Variants in HDAC1 observed in about 807,000 individuals in gnomAD.
HDAC1 encodes protein deacetylase HDAC1.
HDAC1 carries 18 observed loss-of-function variants against 65.5 expected under a neutral mutation model. The observed-to-expected ratio is 0.27, with a 90% CI of 0.19 to 0.41. HDAC1 has a LOEUF of 0.41. Among genes scored for constraint, HDAC1 ranks in the 10% least tolerant of loss-of-function variants. The probability of loss-of-function intolerance (pLI) is 1.00; values close to 1 mark genes in which losing one functional copy is unlikely to be tolerated. For missense variants in HDAC1, 373 were observed against 625.2 expected (o/e 0.60, Z 4.30); for synonymous variants, 211 against 227.9 (o/e 0.93, Z 0.67).
intron 1 of HDAC1, among the ~76,000 whole-genome samples, chr1:32,293,861 C>T (rs1043724236): frequency 1.0e-4 from 15 of 150,284 alleles, no homozygotes; most frequent in East Asian, 4.0e-4. Flanking sequence ...AAGATTGCAC[C>T]GCTGCACTCC....
chr1:32,307,231 G>A (rs928000113), intron 2 of HDAC1, among the ~76,000 whole-genome samples: 2 of 152,044 alleles, frequency 1.3e-5, no homozygotes, highest in African/African-American at 2.4e-5. Flanking sequence ...GGCAACAAGA[G>A]TGAAACTCCT....
intron 11 of HDAC1, 31 bp from the exon 12 acceptor site, chr1:32,332,059 C>T: frequency 6.5e-7 from 1 of 1,547,558 alleles, no homozygotes; most frequent in Non-Finnish European, 8.7e-7. Flanking sequence ...ACCCGCCTGC[C>T]CTCTCACCCA....
At position 32,331,863 on chromosome 1, in the gene HDAC1, A is replaced by G; in HGVS notation, c.1219+57A>G. 2 of 1,544,672 alleles carry G rather than the reference A, an allele frequency of 1.3e-6. No homozygotes were observed. The highest frequency in any genetic ancestry group is 2.0e-5 in the Admixed American group (1 of 50,146). On this transcript the variant is annotated intron_variant, in intron 11 of 13. Transcript: ENST00000373548. The surrounding 1 kb of genome is among the most constrained non-coding windows in gnomAD (Gnocchi z 4.2). ...CATTCAATAGGCAGCTCACACTTCC[A>G]CCACCATTCCTGGCTGCACACTCCC... is the stretch of plus-strand genomic sequence containing the variant.
intron 2 of HDAC1, among the ~76,000 whole-genome samples, chr1:32,305,368 T>C (rs997609010): frequency 6.6e-6 from 1 of 152,204 alleles, no homozygotes; most frequent in African/African-American, 2.4e-5. Context: ...AGGATTAGAA[T>C]TGGGTCAGGA....
chr1:32,322,426 G>A (rs1641160529), intron 3 of HDAC1, among the ~76,000 whole-genome samples: 1 of 152,010 alleles, frequency 6.6e-6, no homozygotes. Flanking sequence ...ACAGGCACAT[G>A]CCTGGCTAAT....
At chr1:32,322,274 C>CTT (rs796152563) in intron 3 of HDAC1, among the ~76,000 whole-genome samples, 6 of 144,348 alleles carry the variant, frequency 4.2e-5, no homozygotes, top group Admixed American at 7.0e-5. Context: ...TCAGCAGTTA[C>CTT]TTTTTTTTTT....
rs1212731497 is a variant in HDAC1, at chr1:32,306,023, G to A, written c.162+3290G>A. 3.3e-5 allele frequency among the ~76,000 whole-genome samples: 5 copies of A among 152,026 alleles called. No individual in the cohort carries two copies. The South Asian group carries it at 6.2e-4, about 19-fold the overall frequency. ...GTGTCTGGTTTTGGGCTCTCTGTTC[G>A]GTTGACTTGGTCTGTTTATTGACCC... On this transcript the variant is annotated intron_variant, in intron 2 of 13. Transcript: ENST00000373548.
chr1:32,316,266 A>G (rs1218407033), intron 2 of HDAC1, among the ~76,000 whole-genome samples: 2 of 151,524 alleles, frequency 1.3e-5, no homozygotes, highest in Non-Finnish European at 2.9e-5. Context: ...CCTGGGAGAC[A>G]GAGCGAGACT....
At position 32,327,329 on chromosome 1, in the gene HDAC1, G is replaced by A. The variant is rs1008818176; in HGVS notation, c.495-207G>A. ...TGTGTGGCTGGAGTTGACCCTGGCT[G>A]TAGAGTAGGAAGATCGGACTTGGTC... On this transcript the variant is annotated intron_variant, in intron 5 of 13. Transcript: ENST00000373548. The surrounding 1 kb of genome is among the most constrained non-coding windows in gnomAD (Gnocchi z 6.0). 4.8e-6 allele frequency: 3 copies of A among 620,018 alleles called. No individual in the cohort carries two copies. Among genetic ancestry groups the A allele is most frequent in the African/African-American group, 3.7e-5 (2 of 54,290 alleles). 38.4% of individuals were successfully genotyped at this position (620,018 alleles called of 1,614,324 possible).
At chr1:32,314,312 C>A (rs1245338324) in intron 2 of HDAC1, among the ~76,000 whole-genome samples, 1 of 152,066 alleles carries the variant, frequency 6.6e-6, no homozygotes. Context: ...CCCACCTTAG[C>A]CTCTTGAGTA....
chr1:32,309,060 C>G (rs139030520), intron 2 of HDAC1, among the ~76,000 whole-genome samples: 1,733 of 152,246 alleles, frequency 0.011, 31 homozygotes, highest in African/African-American at 0.04. Context: ...AGTCTGCCCC[C>G]CTTAGCCTCC....
At chr1:32,318,259 C>T (rs1481344289) in intron 3 of HDAC1, among the ~76,000 whole-genome samples, 1 of 152,212 alleles carries the variant, frequency 6.6e-6, no homozygotes, top group Non-Finnish European at 1.5e-5. Flanking sequence ...TGTTTTCCCT[C>T]TTTAAGAGGA....
intron 1 of HDAC1, among the ~76,000 whole-genome samples, chr1:32,302,312 T>C (rs934994229): frequency 1.3e-5 from 2 of 152,126 alleles, no homozygotes; most frequent in Non-Finnish European, 2.9e-5. Context: ...CTTGGAGGTA[T>C]AGTGAGGTGA....
chr1:32,324,438 A>C, intron 3 of HDAC1, 41 bp from the exon 4 acceptor site: 1 of 1,371,250 alleles, frequency 7.3e-7, no homozygotes, highest in Non-Finnish European at 1.0e-6. Flanking sequence ...TGTAAACTAA[A>C]GGAAATTGTG....
intron 1 of HDAC1, among the ~76,000 whole-genome samples, chr1:32,297,672 G>A (rs531041216): frequency 1.3e-5 from 2 of 151,878 alleles, no homozygotes; most frequent in Admixed American, 6.6e-5. Context: ...GTGCAGTGGC[G>A]CCATCTCGGC....
intron 3 of HDAC1, among the ~76,000 whole-genome samples, chr1:32,320,666 G>A (rs576801224): frequency 3.7e-4 from 57 of 152,154 alleles, no homozygotes; most frequent in Admixed American, 1.5e-3. Flanking sequence ...TTGGGAGGCT[G>A]AGGCAGGTGG....
Position 32,330,513 on chromosome 1 carries a change from C to T in HDAC1, c.730-65C>T. ...GTGGGTGGGAAAGTGTTGCACCCAGCCTTTCCACTCCAAACCTCGTATTGC... is the reference window on the plus strand; with the variant it reads ...GTGGGTGGGAAAGTGTTGCACCCAGTCTTTCCACTCCAAACCTCGTATTGC... On this transcript the variant is annotated intron_variant, in intron 7 of 13. Transcript: ENST00000373548. The surrounding 1 kb of genome is among the most constrained non-coding windows in gnomAD (Gnocchi z 4.2). 1.8e-6 allele frequency: 2 copies of T among 1,102,866 alleles called. No homozygotes were observed. Among genetic ancestry groups the T allele is most frequent in the Non-Finnish European group, 2.8e-6 (2 of 716,498 alleles). The allele number at this position is 1,102,866 out of a possible 1,614,324, so 68.3% of individuals were successfully genotyped here. A position where few individuals can be genotyped will look rare whatever the true frequency, so the allele number is the denominator to read the frequency against.
At chr1:32,319,872 G>A (rs554298587) in intron 3 of HDAC1, among the ~76,000 whole-genome samples, 3 of 151,786 alleles carry the variant, frequency 2.0e-5, no homozygotes, top group Non-Finnish European at 4.4e-5. Flanking sequence ...GTCTCATTTC[G>A]CCACCACACT....
Position 32,331,538 on chromosome 1 carries a change from C to T in HDAC1, c.1044C>T (p.Ser348=). ...GPDFKLHISP[S]NMTNQNTNEY... ...ATTTCAAGCTCCACATCAGTCCTTC[C>T]AATATGACTAACCAGAACACGAATG... Residue 348 remains serine (S), a synonymous_variant, in exon 10 of 14, where the codon TCC becomes TCT. Coordinates refer to ENST00000373548, the MANE Select transcript of HDAC1 (RefSeq NM_004964.3). The surrounding 1 kb of genome is among the most constrained non-coding windows in gnomAD (Gnocchi z 4.2). 2 of 1,612,076 alleles carry T rather than the reference C, an allele frequency of 1.2e-6. No homozygotes were observed. Among genetic ancestry groups the T allele is most frequent in the Non-Finnish European group, 1.7e-6 (2 of 1,178,196 alleles).
Sources: allele counts gnomAD v4.1 joint callset (sites outside exome capture counted in the v4.1 genomes callset), GRCh38; gene constraint gnomAD v4.1.1; non-coding constraint Gnocchi (gnomAD v3.1); transcripts MANE v1.5; gene names NCBI Gene and HGNC (gene_info 2026-07-23, HGNC 2026-07-21).